Variants in KCNMA1 observed in about 807,000 individuals in gnomAD.
KCNMA1 encodes potassium calcium-activated channel subfamily M alpha 1, also known as Calcium-activated potassium channel subunit alpha-1.
KCNMA1 carries 29 observed loss-of-function variants against 140.0 expected under a neutral mutation model. The ratio of observed to expected loss-of-function variants is 0.21; its 90% CI spans 0.15 to 0.28. The LOEUF (loss-of-function observed/expected upper bound fraction) is 0.28, where lower values mean the gene tolerates loss of function less well. Among genes scored for constraint, KCNMA1 ranks in the 10% least tolerant of loss-of-function variants. KCNMA1 has a pLI of 1.00. For synonymous variants in KCNMA1, 612 were observed against 611.9 expected (o/e 1.00, Z 0.00); for missense variants, 880 against 1,602.2 (o/e 0.55, Z 7.70).
intron 1 of KCNMA1, among the ~76,000 whole-genome samples, chr10:77,513,005 G>A (rs769245405): frequency 4.6e-5 from 7 of 151,980 alleles, no homozygotes; most frequent in African/African-American, 9.7e-5. Flanking sequence ...CAGATCACAC[G>A]CGTGGCTGCC....
intron 2 of KCNMA1, among the ~76,000 whole-genome samples, chr10:77,298,862 G>T (rs2075885493): frequency 6.6e-6 from 1 of 152,232 alleles, no homozygotes; most frequent in South Asian, 2.1e-4. Context: ...CAGTCTGTAA[G>T]AGATCATCAC....
intron 2 of KCNMA1, among the ~76,000 whole-genome samples, chr10:77,316,873 G>A (rs1417496609): frequency 1.3e-5 from 2 of 152,196 alleles, no homozygotes; most frequent in Non-Finnish European, 2.9e-5. Flanking sequence ...TAGGGATATG[G>A]TCTGGGGGAA....
intron 1 of KCNMA1, among the ~76,000 whole-genome samples, chr10:77,630,785 A>C (rs2093088277): frequency 1.3e-5 from 2 of 151,870 alleles, no homozygotes; most frequent in Non-Finnish European, 2.9e-5. Flanking sequence ...CTGCATTTTA[A>C]CAGCTCTCGG....
At chr10:76,930,828 C>T (rs1428156174) in intron 23 of KCNMA1, among the ~76,000 whole-genome samples, 1 of 152,090 alleles carries the variant, frequency 6.6e-6, no homozygotes, top group Non-Finnish European at 1.5e-5. Context: ...GAAAGAAATT[C>T]TGTCATTCAA....
chr10:77,562,696 T>C (rs1415615485), intron 1 of KCNMA1, among the ~76,000 whole-genome samples: 2 of 152,222 alleles, frequency 1.3e-5, no homozygotes, highest in African/African-American at 2.4e-5. Context: ...TTTGGGGTAA[T>C]AACCTGCACC....
At chr10:77,255,040 G>GT (rs2060441668) in intron 2 of KCNMA1, among the ~76,000 whole-genome samples, 2 of 152,166 alleles carry the variant, frequency 1.3e-5, no homozygotes, top group South Asian at 4.1e-4. Context: ...GCCTGTCCTG[G>GT]TTGCTAAACT....
chr10:77,427,516 T>C (rs2097036511), intron 1 of KCNMA1, among the ~76,000 whole-genome samples: 1 of 152,202 alleles, frequency 6.6e-6, no homozygotes, highest in Non-Finnish European at 1.5e-5. Context: ...TGCCAGTCAG[T>C]GGTGGTGGGA....
intron 1 of KCNMA1, among the ~76,000 whole-genome samples, chr10:77,522,773 T>C (rs558189511): frequency 2.0e-5 from 3 of 152,340 alleles, no homozygotes; most frequent in African/African-American, 7.2e-5. Flanking sequence ...GGGCAACCAA[T>C]GGTTTAAGTA....
Position 77,200,389 on chromosome 10 carries a change from A to G in KCNMA1, c.603-15473T>C, listed in dbSNP as rs542578942. Reference sequence around the variant, plus strand: ...AATTAGTCAAATTAAATCCCCACGGAAAAAAGTAACCTATGCACATACTAA... The same window carrying G: ...AATTAGTCAAATTAAATCCCCACGGGAAAAAGTAACCTATGCACATACTAA... On this transcript the variant is annotated intron_variant, in intron 3 of 27. Transcript: ENST00000286628. Among the ~76,000 whole-genome samples the G allele has an allele frequency of 2.1e-4, 32 of 152,320 alleles. No individual in the cohort carries two copies. The East Asian group carries it at 6.2e-3, about 29-fold the overall frequency.
intron 1 of KCNMA1, among the ~76,000 whole-genome samples, chr10:77,475,331 C>T (rs1296724349): frequency 1.3e-5 from 2 of 152,264 alleles, no homozygotes; most frequent in African/African-American, 2.4e-5. Context: ...GAGTTGGGGC[C>T]GGAGTGCCTG....
intron 14 of KCNMA1, among the ~76,000 whole-genome samples, chr10:77,069,764 T>G (rs1450817116): frequency 6.6e-6 from 1 of 152,148 alleles, no homozygotes; most frequent in African/African-American, 2.4e-5. Flanking sequence ...TCTTGGTACC[T>G]CCAGGCTGGG....
intron 2 of KCNMA1, among the ~76,000 whole-genome samples, chr10:77,337,843 G>T (rs1290445877): frequency 6.6e-6 from 1 of 152,126 alleles, no homozygotes; most frequent in Non-Finnish European, 1.5e-5. Flanking sequence ...TCCCATTTTG[G>T]CAGAAACTTT....
At chr10:77,418,355 A>G (rs994921246) in intron 1 of KCNMA1, among the ~76,000 whole-genome samples, 1 of 152,180 alleles carries the variant, frequency 6.6e-6, no homozygotes, top group Admixed American at 6.5e-5. Context: ...GAGACTCGGC[A>G]GCTGTGAGAA....
chr10:77,171,400 C>CGTGT (rs60927086), intron 5 of KCNMA1, among the ~76,000 whole-genome samples: 2,171 of 128,994 alleles, frequency 0.017, 36 homozygotes, highest in African/African-American at 0.035. Context: ...TGTGTGTGTG[C>CGTGT]GTGTGTGTGT....
intron 1 of KCNMA1, among the ~76,000 whole-genome samples, chr10:77,526,214 C>T (rs548907679): frequency 5.9e-5 from 9 of 152,274 alleles, no homozygotes; most frequent in Non-Finnish European, 1.2e-4. Context: ...AACCACTGAT[C>T]CATCCATAGT....
At chr10:77,268,183 G>A (rs74143326) in intron 2 of KCNMA1, among the ~76,000 whole-genome samples, 18,864 of 152,162 alleles carry the variant, frequency 0.12, 1,373 homozygotes, top group Middle Eastern at 0.22. Context: ...GGAGAAGATG[G>A]GGAAGCACAG....
intron 9 of KCNMA1, among the ~76,000 whole-genome samples, chr10:77,104,756 C>T (rs1258194519): frequency 6.6e-6 from 1 of 152,164 alleles, no homozygotes; most frequent in Non-Finnish European, 1.5e-5. Context: ...TGTCAGTTCT[C>T]ATAAACTAAC....
intron 1 of KCNMA1, among the ~76,000 whole-genome samples, chr10:77,466,644 A>G (rs2098022909): frequency 6.6e-6 from 1 of 152,230 alleles, no homozygotes; most frequent in South Asian, 2.1e-4. Flanking sequence ...GAAGGCTTCA[A>G]TAGTCACAGA....
At chr10:77,204,236 G>A (rs763912776) in intron 3 of KCNMA1, among the ~76,000 whole-genome samples, 1 of 152,162 alleles carries the variant, frequency 6.6e-6, no homozygotes, top group Non-Finnish European at 1.5e-5. Flanking sequence ...TTTCAGGGGA[G>A]TTTCAGGTTA....
Sources: gnomAD v4.1 joint callset for allele counts (sites outside exome capture counted in the v4.1 genomes callset) on GRCh38, gnomAD v4.1.1 for gene constraint, MANE v1.5 for transcripts, NCBI Gene and HGNC (gene_info 2026-07-23, HGNC 2026-07-21) for gene names.